Variants in UTY observed in about 807,000 individuals in gnomAD.
UTY encodes ubiquitously transcribed tetratricopeptide repeat containing, Y-linked, also known as histone demethylase UTY.
A neutral mutation model predicts 32.5 loss-of-function variants in UTY; 12 were observed. The observed-to-expected ratio is 0.37, with a 90% CI of 0.24 to 0.60. The LOEUF is 0.60. UTY is among the 20% of genes least tolerant of loss of function. UTY has a pLI of 0.69. For missense variants in UTY, 303 were observed against 299.2 expected (o/e 1.01, Z -0.09); for synonymous variants, 131 against 103.4 (o/e 1.27, Z -1.62).
chrY:13,385,230 T>C (rs2066579828), intron 8 of UTY, among the ~76,000 whole-genome samples: 2 of 32,850 alleles, frequency 6.1e-5, no homozygotes, highest in Non-Finnish European at 7.4e-5. Context: ...CAAAATAAAG[T>C]AGGTATAAAT....
chrY:13,438,666 A>T, intron 4 of UTY, among the ~76,000 whole-genome samples: 1 of 34,074 alleles, frequency 2.9e-5, no homozygotes, highest in Admixed American at 2.6e-4. Flanking sequence ...TGTTGTAAGG[A>T]TGTAGTAGAT....
chrY:13,405,396 T>C, intron 6 of UTY, among the ~76,000 whole-genome samples: 1 of 32,555 alleles, frequency 3.1e-5, no homozygotes, highest in Non-Finnish European at 7.6e-5. Context: ...AGTAGAACAG[T>C]GGTCATCAGA....
intron 27 of UTY, among the ~76,000 whole-genome samples, chrY:13,290,983 C>T: frequency 3.3e-5 from 1 of 30,451 alleles, no homozygotes; most frequent in Non-Finnish European, 7.9e-5. Flanking sequence ...CGGGTTCAAG[C>T]GATTTCTCCT....
At chrY:13,289,531 T>C (rs2057637079) in intron 27 of UTY, among the ~76,000 whole-genome samples, 1 of 34,025 alleles carries the variant, frequency 2.9e-5, no homozygotes. Context: ...ACCCCTTGCT[T>C]GCTCAAATCA....
chrY:13,262,034 A>G, intron 27 of UTY, among the ~76,000 whole-genome samples: 1 of 33,537 alleles, frequency 3.0e-5, no homozygotes, highest in South Asian at 6.6e-4. Flanking sequence ...ACTTCTGGGT[A>G]TAGGGATATT....
chrY:13,470,306 T>C, intron 2 of UTY, 77 bp from the exon 3 acceptor site: 2 of 202,667 alleles, frequency 9.9e-6, no homozygotes, highest in South Asian at 1.2e-4. Context: ...ACGAGATTCT[T>C]AAAGAAATCA....
chrY:13,391,215 A>G (rs2067527835), intron 8 of UTY, among the ~76,000 whole-genome samples: 1 of 33,557 alleles, frequency 3.0e-5, no homozygotes, highest in African/African-American at 1.2e-4. Flanking sequence ...TTAAAGATTC[A>G]AATATAAAAA....
At chrY:13,433,883 A>G in intron 4 of UTY, among the ~76,000 whole-genome samples, 1 of 34,097 alleles carries the variant, frequency 2.9e-5, no homozygotes, top group Non-Finnish European at 7.3e-5. Flanking sequence ...CGCTGAGAAC[A>G]TTCATCACTA....
At chrY:13,441,340 A>C (rs2075161752) in intron 4 of UTY, among the ~76,000 whole-genome samples, 1 of 33,339 alleles carries the variant, frequency 3.0e-5, no homozygotes, top group East Asian at 7.8e-4. Context: ...TTAGCTAAGA[A>C]TATAGCAGGA....
At chrY:13,443,262 G>C in intron 4 of UTY, among the ~76,000 whole-genome samples, 1 of 33,178 alleles carries the variant, frequency 3.0e-5, no homozygotes, top group Non-Finnish European at 7.4e-5. Context: ...TTGCAGCTGC[G>C]GGCTTATCTC....
chrY:13,434,815 A>G, intron 4 of UTY, among the ~76,000 whole-genome samples: 1 of 33,943 alleles, frequency 2.9e-5, no homozygotes, highest in Non-Finnish European at 7.3e-5. Flanking sequence ...ATATATCTCA[A>G]TACATTAAGA....
intron 6 of UTY, among the ~76,000 whole-genome samples, chrY:13,402,719 CG>C (rs2069273624): frequency 3.0e-5 from 1 of 33,589 alleles, no homozygotes; most frequent in Non-Finnish European, 7.4e-5. Context: ...ACCTGCATTA[CG>C]AAGCCTTTTC....
chrY:13,295,229 G>C, intron 27 of UTY, among the ~76,000 whole-genome samples: 2 of 33,561 alleles, frequency 6.0e-5, no homozygotes, highest in African/African-American at 2.3e-4. Context: ...GCCAGGAATG[G>C]GAGGAGAGAG....
intron 6 of UTY, among the ~76,000 whole-genome samples, chrY:13,399,780 G>A (rs2068723966): frequency 3.0e-5 from 1 of 33,255 alleles, no homozygotes; most frequent in South Asian, 6.8e-4. Flanking sequence ...AGATTATTTT[G>A]AGCCACAGGC....
At chrY:13,474,497 A>T in intron 2 of UTY, among the ~76,000 whole-genome samples, 1 of 33,535 alleles carries the variant, frequency 3.0e-5, no homozygotes. Flanking sequence ...AGGCATAAAA[A>T]TGAAATGAAA....
intron 4 of UTY, among the ~76,000 whole-genome samples, chrY:13,415,310 AAG>A (rs2071541852): frequency 1.5e-4 from 5 of 33,934 alleles, no homozygotes. Context: ...TCAGCCACGT[AAG>A]AGTGCAATCT....
intron 8 of UTY, among the ~76,000 whole-genome samples, chrY:13,388,209 A>C (rs2067118090): frequency 1.5e-4 from 5 of 34,315 alleles, no homozygotes; most frequent in African/African-American, 2.3e-4. Flanking sequence ...GAAATGCTCC[A>C]GTTATCTTAT....
chrY:13,263,251 T>A (rs2055448642), intron 27 of UTY, among the ~76,000 whole-genome samples: 1 of 33,429 alleles, frequency 3.0e-5, no homozygotes, highest in African/African-American at 1.2e-4. Flanking sequence ...TTAACAATAT[T>A]GAATAACTCA....
intron 2 of UTY, among the ~76,000 whole-genome samples, chrY:13,475,582 T>G (rs2032656): frequency 1.5e-4 from 5 of 34,233 alleles, no homozygotes; most frequent in African/African-American, 5.7e-4. Flanking sequence ...AGCACTAAAA[T>G]TTAATTTTGG....
Sources: gnomAD v4.1 joint callset for allele counts (sites outside exome capture counted in the v4.1 genomes callset) on GRCh38, gnomAD v4.1.1 for gene constraint, MANE v1.5 for transcripts, NCBI Gene and HGNC (gene_info 2026-07-23, HGNC 2026-07-21) for gene names.